The following DROSHA variants were observed in gnomAD, a reference collection of about 807,000 sequenced individuals.
DROSHA encodes ribonuclease 3.
DROSHA carries 56 observed loss-of-function variants against 181.9 expected under a neutral mutation model. The ratio of observed to expected loss-of-function variants is 0.31; its 90% CI spans 0.25 to 0.38. The LOEUF is 0.38. Among genes scored for constraint, DROSHA ranks in the 10% least tolerant of loss-of-function variants. The pLI is 1.00. For missense variants in DROSHA, 1,218 were observed against 1,743.5 expected (o/e 0.70, Z 5.37); for synonymous variants, 524 against 591.2 (o/e 0.89, Z 1.65).
Position 31,514,603 on chromosome 5 carries a change from C to T in DROSHA, c.1290+385G>A, listed in dbSNP as rs1389249592. Among the ~76,000 whole-genome samples the T allele has an allele frequency of 6.6e-6, 1 of 152,106 alleles. No individual in the cohort carries two copies. The highest frequency in any genetic ancestry group is 2.4e-5 in the African/African-American group (1 of 41,408). ...AAGGCTGCAGTGAGCCACGATGGTG[C>T]CACTGCACTCCAGCCTGGGTGACAG... On this transcript the variant is annotated intron_variant, in intron 8 of 35. Transcript: ENST00000344624. The surrounding 1 kb of genome is among the most constrained non-coding windows in gnomAD (Gnocchi z 4.4).
chr5:31,470,885 G>A lies in DROSHA; in HGVS notation c.2241+1178C>T, dbSNP rs1211881591. On this transcript the variant is annotated intron_variant, in intron 17 of 35. Transcript: ENST00000344624. The surrounding 1 kb of genome is among the most constrained non-coding windows in gnomAD (Gnocchi z 4.0). ...CACCACCGCCCCATCCTCTGACTCA[G>A]CATGAAAAGTGACAGAGGGAATATC... Among the ~76,000 whole-genome samples, 1 of 152,098 alleles carries A rather than the reference G, an allele frequency of 6.6e-6. No individual in the cohort carries two copies. The highest frequency in any genetic ancestry group is 1.9e-4 in the East Asian group (1 of 5,194).
intron 17 of DROSHA, among the ~76,000 whole-genome samples, chr5:31,469,708 T>TTAGC (rs35183363): frequency 6.6e-5 from 10 of 152,022 alleles, no homozygotes; most frequent in Non-Finnish European, 1.5e-5. Flanking sequence ...ATATCTATAG[T>TTAGC]ATCTCTAAAT....
Position 31,530,935 on chromosome 5 carries a change from T to C in DROSHA, c.-173-11A>G, listed in dbSNP as rs1463768690. On this transcript the variant is annotated splice_polypyrimidine_tract_variant and intron_variant, in intron 2 of 35. Transcript: ENST00000344624. Reference sequence around the variant, plus strand: ...CCCGGGAAAAGCAACCTACACACAGTAGGTGGTCAATAAATGTTTACTCTC... The same window carrying C: ...CCCGGGAAAAGCAACCTACACACAGCAGGTGGTCAATAAATGTTTACTCTC... 1.3e-5 allele frequency: 5 copies of C among 398,366 alleles called. No individual in the cohort carries two copies. The highest frequency in any genetic ancestry group is 2.2e-5 in the Non-Finnish European group (5 of 226,008). The allele number at this position is 398,366 out of a possible 1,614,324, so 24.7% of individuals were successfully genotyped here.
chr5:31,530,777 T>C, intron 3 of DROSHA, 21 bp downstream of exon 3: 1 of 398,464 alleles, frequency 2.5e-6, no homozygotes. Flanking sequence ...AGTCTATACT[T>C]AATCCTTTTA....
rs1359002211 is a variant in DROSHA at position 31,411,995 on chromosome 5, A to G, written c.3526-1108T>C. On this transcript the variant is annotated intron_variant, in intron 30 of 35. Coordinates refer to ENST00000344624, the MANE Select transcript of DROSHA (RefSeq NM_001382508.1). This position sits in a 1 kb window ranked among gnomAD's most constrained non-coding sequence, Gnocchi z 4.2. ...TCATATTTCAACTTTAGGAATTCAAAACAAAAATTTCTACTAGGAATTTCA... is the reference window on the plus strand; with the variant it reads ...TCATATTTCAACTTTAGGAATTCAAGACAAAAATTTCTACTAGGAATTTCA... Among the ~76,000 whole-genome samples the G allele has an allele frequency of 1.3e-5, 2 of 152,236 alleles. No homozygotes were observed. The highest frequency in any genetic ancestry group is 1.3e-4 in the Admixed American group (2 of 15,288).
chr5:31,445,095 CT>C (rs1309346082), intron 23 of DROSHA, among the ~76,000 whole-genome samples: 2 of 152,240 alleles, frequency 1.3e-5, no homozygotes, highest in Non-Finnish European at 2.9e-5. Context: ...CAATCTCAGT[CT>C]GGATCCCCAG....
At chr5:31,429,609 C>T (rs775532739) in intron 26 of DROSHA, 64 bp from the exon 27 acceptor site, 39 of 1,445,580 alleles carry the variant, frequency 2.7e-5, no homozygotes, top group Non-Finnish European at 3.7e-5. Flanking sequence ...AATGACATAT[C>T]TCTATAATAA....
chr5:31,414,794 G>T (rs1208287116), intron 30 of DROSHA, among the ~76,000 whole-genome samples: 1 of 152,098 alleles, frequency 6.6e-6, no homozygotes, highest in African/African-American at 2.4e-5. Flanking sequence ...AAATGTTTTG[G>T]ATACCCGTCC....
intron 10 of DROSHA, among the ~76,000 whole-genome samples, chr5:31,507,967 T>C (rs939660307): frequency 6.6e-6 from 1 of 152,304 alleles, no homozygotes; most frequent in Non-Finnish European, 1.5e-5. Flanking sequence ...TTAATTAATA[T>C]AGAATGTTAT....
intron 9 of DROSHA, among the ~76,000 whole-genome samples, chr5:31,509,747 A>C (rs548952504): frequency 1.3e-5 from 2 of 152,258 alleles, no homozygotes; most frequent in Non-Finnish European, 2.9e-5. Context: ...GAATAAAAAC[A>C]GACACAGACT....
chr5:31,496,333 CAGG>C (rs1752972805), intron 11 of DROSHA, among the ~76,000 whole-genome samples: 2 of 152,242 alleles, frequency 1.3e-5, no homozygotes, highest in Middle Eastern at 3.4e-3. Context: ...GAGGTTGAGG[CAGG>C]AGATCACTTG....
At position 31,410,948 on chromosome 5, in the gene DROSHA, T is replaced by C. The variant is rs574792837; in HGVS notation, c.3526-61A>G. On this transcript the variant is annotated intron_variant, in intron 30 of 35. Transcript: ENST00000344624. The stretch of plus-strand genomic sequence containing the variant: ...TTTCACTTTTGACCTCTCTTATTCC[T>C]GGGTTGGACCCAACTAGCCTGAGAG... 4 of 1,598,812 alleles carry C rather than the reference T, an allele frequency of 2.5e-6. No homozygotes were observed. The East Asian group carries it at 8.9e-5, about 36-fold the overall frequency.
At position 31,407,142 on chromosome 5, in the gene DROSHA, A is replaced by G. The variant is rs139593747; in HGVS notation, c.3855-197T>C. The G allele has an allele frequency of 1.1e-3, 412 of 365,248 alleles. 4 individuals are homozygous for G. The East Asian group carries it at 0.018, about 16-fold the overall frequency. 22.6% of individuals were successfully genotyped at this position (365,248 alleles called of 1,614,324 possible). On this transcript the variant is annotated intron_variant, in intron 33 of 35. Transcript: ENST00000344624. ...GACAAATATCGAGAGCATTTGAAAT[A>G]GAAATTTTTAAAAATTCTGCATTGT...
At chr5:31,425,030 T>C (rs1411778824) in intron 27 of DROSHA, among the ~76,000 whole-genome samples, 1 of 152,170 alleles carries the variant, frequency 6.6e-6, no homozygotes, top group Non-Finnish European at 1.5e-5. Context: ...AAACCCCTAG[T>C]ATATTACTTT....
chr5:31,530,339 A>T (rs770596739), intron 3 of DROSHA, among the ~76,000 whole-genome samples: 19 of 152,216 alleles, frequency 1.2e-4, no homozygotes, highest in Non-Finnish European at 1.5e-4. Flanking sequence ...GGGCCCGGAC[A>T]GGTGCTCCTG....
intron 16 of DROSHA, among the ~76,000 whole-genome samples, chr5:31,479,992 AT>A: frequency 6.6e-6 from 1 of 151,524 alleles, no homozygotes; most frequent in Admixed American, 6.6e-5. Flanking sequence ...CTTGGCATTT[AT>A]TTTTTCTTTG....
chr5:31,488,613 A>T (rs915304458), intron 13 of DROSHA, among the ~76,000 whole-genome samples: 6 of 152,154 alleles, frequency 3.9e-5, no homozygotes, highest in African/African-American at 1.4e-4. Context: ...GAACTCTATT[A>T]TGTAGCCCTT....
chr5:31,467,301 A>AT (rs1188049316), intron 18 of DROSHA: 4 of 105,858 alleles, frequency 3.8e-5, no homozygotes, highest in African/African-American at 1.0e-4. Context: ...AAAAAAAAAA[A>AT]AAAAATAAGT....
intron 19 of DROSHA, among the ~76,000 whole-genome samples, chr5:31,465,046 T>C (rs1029055388): frequency 1.3e-5 from 2 of 151,682 alleles, no homozygotes. Context: ...CAGAAGTTCA[T>C]GGAACTACCT....
Sources: gnomAD v4.1 joint callset for allele counts (sites outside exome capture counted in the v4.1 genomes callset) on GRCh38, gnomAD v4.1.1 for gene constraint, Gnocchi (gnomAD v3.1) non-coding constraint, MANE v1.5 for transcripts, NCBI Gene and HGNC (gene_info 2026-07-23, HGNC 2026-07-21) for gene names.